Variants in DAPK1 observed in about 807,000 individuals in gnomAD.
DAPK1 encodes the protein death-associated protein kinase 1.
In DAPK1, 56 loss-of-function variants were observed where a neutral mutation model predicts 144.9. The observed-to-expected ratio is 0.39, with a 90% CI of 0.31 to 0.48. The LOEUF (loss-of-function observed/expected upper bound fraction) is 0.48. Among genes scored for constraint, DAPK1 ranks in the 20% least tolerant of loss-of-function variants. The probability of loss-of-function intolerance (pLI) is 0.95; values close to 1 mark genes in which losing one functional copy is unlikely to be tolerated. For synonymous variants in DAPK1, 690 were observed against 749.0 expected, an observed-to-expected ratio of 0.92 and a Z score of 1.29; for missense variants, 1,454 against 1,875.4, an observed-to-expected ratio of 0.78 and a Z score of 4.15.
At chr9:87,646,120 GA>G (rs899025245) in intron 12 of DAPK1, 106 bp downstream of exon 12, 1 of 1,365,290 alleles carries the variant, frequency 7.3e-7, no homozygotes, top group Non-Finnish European at 1.0e-6. Context: ...CTTCCAATTG[GA>G]AGCTCCATAC....
At chr9:87,559,871 G>T (rs1366218766) in intron 2 of DAPK1, among the ~76,000 whole-genome samples, 1 of 151,924 alleles carries the variant, frequency 6.6e-6, no homozygotes, top group Non-Finnish European at 1.5e-5. Context: ...CCTCAGAAAG[G>T]CCCCCATTCT....
At chr9:87,499,216 T>C in intron 2 of DAPK1, 77 bp downstream of exon 2, 1 of 1,283,902 alleles carries the variant, frequency 7.8e-7, no homozygotes, top group East Asian at 2.3e-5. Context: ...GGTAAACAAA[T>C]GCAGTTTGAA....
chr9:87,562,552 G>C (rs1482571225), intron 2 of DAPK1, among the ~76,000 whole-genome samples: 1 of 152,186 alleles, frequency 6.6e-6, no homozygotes, highest in Admixed American at 6.5e-5. Context: ...TGAAATATTT[G>C]ATGACTGTCA....
At chr9:87,550,462 C>T (rs902993304) in intron 2 of DAPK1, among the ~76,000 whole-genome samples, 1 of 152,234 alleles carries the variant, frequency 6.6e-6, no homozygotes, top group Non-Finnish European at 1.5e-5. Context: ...TCTCTGCTAG[C>T]TCCTGGAAGT....
chr9:87,600,338 G>A lies in DAPK1; in HGVS notation c.63-4616G>A, dbSNP rs145040771. 2.2e-3 allele frequency among the ~76,000 whole-genome samples: 330 copies of A among 152,288 alleles called. 2 individuals carry two copies. The highest frequency in any genetic ancestry group is 6.4e-3 in the African/African-American group (264 of 41,538). On this transcript the variant is annotated intron_variant, in intron 2 of 25. Transcript: ENST00000408954. ...CAGTGACTCATGCCTGTAATTCCCC[G>A]ACTTTGGGTGGCCGAGGTGGGAGGA...
At chr9:87,631,722 G>A (rs1022372328) in intron 3 of DAPK1, among the ~76,000 whole-genome samples, 1 of 152,184 alleles carries the variant, frequency 6.6e-6, no homozygotes, top group Non-Finnish European at 1.5e-5. Context: ...ACCAGATTCT[G>A]CTGTTCAGCA....
At chr9:87,611,908 T>C (rs1388665610) in intron 3 of DAPK1, among the ~76,000 whole-genome samples, 1 of 152,236 alleles carries the variant, frequency 6.6e-6, no homozygotes, top group African/African-American at 2.4e-5. Flanking sequence ...GTCCCTGTCT[T>C]AGTTCATTTT....
At chr9:87,574,886 A>T (rs1827485097) in intron 2 of DAPK1, among the ~76,000 whole-genome samples, 1 of 151,814 alleles carries the variant, frequency 6.6e-6, no homozygotes, top group South Asian at 2.1e-4. Context: ...ATGCCACGGC[A>T]CTCCAGCCTG....
chr9:87,567,642 C>T (rs1032306122), intron 2 of DAPK1, among the ~76,000 whole-genome samples: 4 of 152,128 alleles, frequency 2.6e-5, no homozygotes, highest in South Asian at 2.1e-4. Context: ...TCCACTGGCA[C>T]GCTTGCCATG....
rs1824865819 is a variant in DAPK1 at position 87,686,593 on chromosome 9, T to C, written c.2267T>C (p.Val756Ala). 6.3e-7 allele frequency: 1 copy of C among 1,598,288 alleles called. No individual in the cohort carries two copies. Among genetic ancestry groups the C allele is most frequent in the African/African-American group, 1.3e-5 (1 of 74,724 alleles). Residue 756 changes from valine to alanine, a missense_variant, in exon 21 of 26, where the codon GTG (valine) becomes GCG (alanine). Physicochemically the swap from Val to Ala is moderately conservative, Grantham distance 64 (BLOSUM62 0). Around this residue, in one of 2 missense-constraint regions of DAPK1, gnomAD observed 1,025 missense variants for 1,237.9 expected, o/e 0.83. Coordinates refer to ENST00000408954, the MANE Select transcript of DAPK1 (RefSeq NM_004938.4). The surrounding 1 kb of genome is among the most constrained non-coding windows in gnomAD (Gnocchi z 4.2). ...INNLYPGCEN[V>A]SVRSRSMMFE... ...AACCTGTACCCAGGCTGCGAGAACG[T>C]GAGTGTGAGGAGCCGCAGCATGATG...
At chr9:87,623,029 T>A (rs1387513670) in intron 3 of DAPK1, among the ~76,000 whole-genome samples, 1 of 152,174 alleles carries the variant, frequency 6.6e-6, no homozygotes, top group Non-Finnish European at 1.5e-5. Context: ...GGCCCTGAAT[T>A]TGAGCATGCC....
At chr9:87,499,385 A>G (rs1055965846) in intron 2 of DAPK1, 4 of 475,576 alleles carry the variant, frequency 8.4e-6, no homozygotes, top group African/African-American at 3.8e-5. Context: ...AGTCCCCTGG[A>G]CAAAATCAGA....
rs1465070208 is a variant in DAPK1, at chr9:87,703,369, C to A, written c.3060+152C>A. On this transcript the variant is annotated intron_variant, in intron 25 of 25. Transcript: ENST00000408954. The stretch of plus-strand genomic sequence containing the variant: ...AACATTTCCACACGTGTGACAAACA[C>A]AGCCTCAAGTGACGCTCTGAACTGC... The A allele has an allele frequency of 4.7e-5, 28 of 599,674 alleles. No homozygotes were observed. In the South Asian group the frequency reaches 5.6e-4, roughly 12 times the overall value. The allele number at this position is 599,674 out of a possible 1,614,324, so 37.1% of individuals were successfully genotyped here. A position where few individuals can be genotyped will look rare whatever the true frequency, so the allele number is the denominator to read the frequency against.
At chr9:87,642,735 G>A (rs1411450943) in intron 10 of DAPK1, among the ~76,000 whole-genome samples, 1 of 152,160 alleles carries the variant, frequency 6.6e-6, no homozygotes, top group East Asian at 1.9e-4. Context: ...CAATTTTGGG[G>A]TGCCGTGGTA....
At position 87,707,229 on chromosome 9, in the gene DAPK1, G is replaced by C. The variant is rs780740950; in HGVS notation, c.4158G>C (p.Arg1386=). The change falls in exon 26 of 26, where the codon CGG becomes CGC. Residue 1386 remains arginine (R), a synonymous_variant. Transcript: ENST00000408954. This position sits in a 1 kb window ranked among gnomAD's most constrained non-coding sequence, Gnocchi z 4.0. ...CCAAACTGAGGGAGCTGGGTCGCCG[G>C]GATGCCGCAGACTTTTTGCTGAAGG... ...LMSKLRELGR[R]DAADFLLKAS... The C allele has an allele frequency of 9.9e-6, 16 of 1,614,152 alleles. No homozygotes were observed. The South Asian group carries it at 1.8e-4, about 18-fold the overall frequency.
chr9:87,568,531 G>A (rs533236441), intron 2 of DAPK1, among the ~76,000 whole-genome samples: 2 of 152,184 alleles, frequency 1.3e-5, no homozygotes, highest in Non-Finnish European at 2.9e-5. Context: ...TCATCTTCTT[G>A]TGCCTGCTCT....
chr9:87,499,017 G>T lies in DAPK1; in HGVS notation c.-61G>T. 7.1e-7 allele frequency: 1 copy of T among 1,412,166 alleles called. No homozygotes were observed. Among genetic ancestry groups the T allele is most frequent in the Non-Finnish European group, 1.0e-6 (1 of 996,642 alleles). 87.5% of individuals were successfully genotyped at this position (1,412,166 alleles called of 1,614,324 possible). ...GGGCTACGGAGGCGCAGGAGCGGTGGTGATGGTCTGGGAAGCGGAGCTGAA... is the reference window on the plus strand; with the variant it reads ...GGGCTACGGAGGCGCAGGAGCGGTGTTGATGGTCTGGGAAGCGGAGCTGAA... On this transcript the variant is annotated 5_prime_UTR_variant, in exon 2 of 26. Coordinates refer to ENST00000408954, the MANE Select transcript of DAPK1 (RefSeq NM_004938.4).
chr9:87,590,645 T>C (rs1222878324), intron 2 of DAPK1, among the ~76,000 whole-genome samples: 1 of 152,208 alleles, frequency 6.6e-6, no homozygotes, highest in Non-Finnish European at 1.5e-5. Flanking sequence ...TGGAATGCAG[T>C]GGCATGATTG....
chr9:87,584,569 A>G (rs931860499), intron 2 of DAPK1, among the ~76,000 whole-genome samples: 4 of 152,140 alleles, frequency 2.6e-5, no homozygotes, highest in Non-Finnish European at 4.4e-5. Context: ...CACTCTCTCC[A>G]ACAGTGTACA....
Sources: allele counts gnomAD v4.1 joint callset (sites outside exome capture counted in the v4.1 genomes callset), GRCh38; gene constraint gnomAD v4.1.1; regional missense constraint gnomAD v4.1.1; non-coding constraint Gnocchi (gnomAD v3.1); transcripts MANE v1.5; gene names NCBI Gene and HGNC (gene_info 2026-07-23, HGNC 2026-07-21).